MACROH2A2: variants seen among roughly 807,000 people sequenced by gnomAD.
The protein encoded by MACROH2A2 is core histone macro-H2A.2.
MACROH2A2 carries 6 observed loss-of-function variants against 37.6 expected under a neutral mutation model. That is an observed-to-expected ratio of 0.16 (90% confidence interval 0.09 to 0.32). The LOEUF is 0.32. MACROH2A2 is among the 10% of genes least tolerant of loss of function. The pLI is 1.00. For synonymous variants in MACROH2A2, 192 were observed against 202.7 expected, an observed-to-expected ratio of 0.95 and a Z score of 0.45; for missense variants, 290 against 485.9, an observed-to-expected ratio of 0.60 and a Z score of 3.79.
intron 6 of MACROH2A2, among the ~76,000 whole-genome samples, 163 bp downstream of exon 6, chr10:70,095,916 T>C (rs2072273936): frequency 6.6e-6 from 1 of 152,256 alleles, no homozygotes; most frequent in Admixed American, 6.5e-5. Context: ...GAAGCTAACT[T>C]TGTTTTAATT....
In MACROH2A2 at chr10:70,053,377, G is replaced by A. The variant is rs1197314183; in HGVS notation, c.-60+377G>A. On this transcript the variant is annotated intron_variant, in intron 1 of 8. Transcript: ENST00000373255. This position sits in a 1 kb window ranked among gnomAD's most constrained non-coding sequence, Gnocchi z 4.8. The stretch of plus-strand genomic sequence containing the variant: ...TGGGAATGCGGAGTTTCGGGCGCAG[G>A]AGCGGGAGGACGGAGGCGCCCGGCC... Among the ~76,000 whole-genome samples, 1 of 151,826 alleles carries A rather than the reference G, an allele frequency of 6.6e-6. No homozygotes were observed. Among genetic ancestry groups the A allele is most frequent in the African/African-American group, 2.4e-5 (1 of 41,396 alleles).
At chr10:70,096,875 A>G (rs10762337) in intron 6 of MACROH2A2, among the ~76,000 whole-genome samples, 97,569 of 151,900 alleles carry the variant, frequency 0.64, 32,059 homozygotes, top group Non-Finnish European at 0.72. Context: ...GCCCTGGGAA[A>G]AGTCAGCATT....
chr10:70,097,648 TC>T (rs1376345690), intron 6 of MACROH2A2, among the ~76,000 whole-genome samples: 1 of 152,148 alleles, frequency 6.6e-6, no homozygotes, highest in Non-Finnish European at 1.5e-5. Context: ...TCCACATACT[TC>T]CAGACATCAT....
chr10:70,090,364 CATT>C (rs763985787), intron 3 of MACROH2A2, among the ~76,000 whole-genome samples, 198 bp downstream of exon 3: 1 of 152,246 alleles, frequency 6.6e-6, no homozygotes, highest in Non-Finnish European at 1.5e-5. Context: ...GCATAGATCT[CATT>C]ATATATTCTA....
chr10:70,092,881 C>T (rs1029050206), intron 4 of MACROH2A2, among the ~76,000 whole-genome samples: 18 of 152,284 alleles, frequency 1.2e-4, no homozygotes, highest in Middle Eastern at 3.4e-3. Context: ...AGGTGTTTGG[C>T]ATATACTTGA....
chr10:70,109,235 C>A, intron 8 of MACROH2A2, 28 bp downstream of exon 8: 2 of 1,595,956 alleles, frequency 1.3e-6, no homozygotes, highest in Non-Finnish European at 1.7e-6. Context: ...TGAGTTGATT[C>A]CTCCGGCTTT....
intron 2 of MACROH2A2, among the ~76,000 whole-genome samples, chr10:70,077,338 C>T (rs1342075774): frequency 2.0e-5 from 3 of 151,908 alleles, no homozygotes; most frequent in South Asian, 2.1e-4. Flanking sequence ...GAAGCTGAGG[C>T]GGGTGGATCA....
At chr10:70,059,465 T>G (rs1307722249) in intron 1 of MACROH2A2, among the ~76,000 whole-genome samples, 1 of 151,654 alleles carries the variant, frequency 6.6e-6, no homozygotes, top group Admixed American at 6.6e-5. Flanking sequence ...CTCTGCCTCC[T>G]AGGTTCATGA....
At chr10:70,090,245 C>T (rs746725912) in intron 3 of MACROH2A2, 79 bp downstream of exon 3, 14 of 894,012 alleles carry the variant, frequency 1.6e-5, no homozygotes, top group Non-Finnish European at 2.3e-5. Context: ...GGCCATGAGT[C>T]ACTCCTGCTA....
At chr10:70,076,667 G>T (rs1183751023) in intron 2 of MACROH2A2, among the ~76,000 whole-genome samples, 1 of 152,100 alleles carries the variant, frequency 6.6e-6, no homozygotes, top group Non-Finnish European at 1.5e-5. Context: ...TTTGCCCAAG[G>T]TTAACAAATT....
At chr10:70,095,367 CAAAAAA>C (rs1188963876) in intron 5 of MACROH2A2, among the ~76,000 whole-genome samples, 1 of 67,936 alleles carries the variant, frequency 1.5e-5, no homozygotes, top group Non-Finnish European at 3.1e-5. Context: ...GACTCCGTCT[CAAAAAA>C]AAAAAAAAAA....
At chr10:70,065,959 A>G (rs1206114365) in intron 1 of MACROH2A2, among the ~76,000 whole-genome samples, 1 of 152,230 alleles carries the variant, frequency 6.6e-6, no homozygotes, top group Non-Finnish European at 1.5e-5. Context: ...TTAATACTCT[A>G]CTAAATGATA....
intron 6 of MACROH2A2, among the ~76,000 whole-genome samples, chr10:70,096,941 C>T (rs2072279966): frequency 6.6e-6 from 1 of 152,226 alleles, no homozygotes; most frequent in African/African-American, 2.4e-5. Flanking sequence ...TAGTAGCCTT[C>T]ATCTGGAGCT....
intron 1 of MACROH2A2, among the ~76,000 whole-genome samples, chr10:70,059,947 G>A (rs2072041553): frequency 6.6e-6 from 1 of 152,128 alleles, no homozygotes; most frequent in South Asian, 2.1e-4. Context: ...CAATGTGCCG[G>A]GGCCCAGGAG....
chr10:70,075,981 G>A lies in MACROH2A2; in HGVS notation c.172+151G>A, dbSNP rs990095010. The A allele has an allele frequency of 1.6e-5, 10 of 637,124 alleles. No homozygotes were observed. Among genetic ancestry groups the A allele is most frequent in the Non-Finnish European group, 2.7e-5 (10 of 365,930 alleles). The allele number at this position is 637,124 out of a possible 1,614,324, so 39.5% of individuals were successfully genotyped here. ...GACAGGGTTGCAACTGGCCTGCTTG[G>A]CTAAAATCAACTTCTGCAGACTTTA... On this transcript the variant is annotated intron_variant, in intron 2 of 8. Transcript: ENST00000373255. The surrounding 1 kb of genome is among the most constrained non-coding windows in gnomAD (Gnocchi z 5.0).
intron 6 of MACROH2A2, chr10:70,098,376 AAGG>A (rs1472669215): frequency 7.2e-6 from 1 of 138,734 alleles, no homozygotes; most frequent in Non-Finnish European, 1.6e-5. Context: ...GTAGAGAAGG[AAGG>A]AGGGAGGGAA....
chr10:70,070,722 A>C (rs927343524), intron 1 of MACROH2A2, among the ~76,000 whole-genome samples: 1 of 152,168 alleles, frequency 6.6e-6, no homozygotes, highest in Non-Finnish European at 1.5e-5. Context: ...TCCTGACCTC[A>C]GGTGATCCAC....
At chr10:70,081,481 G>A (rs1304012596) in intron 2 of MACROH2A2, among the ~76,000 whole-genome samples, 2 of 152,098 alleles carry the variant, frequency 1.3e-5, no homozygotes, top group African/African-American at 2.4e-5. Flanking sequence ...GATGGCAAAG[G>A]AGGCTGAGGA....
intron 6 of MACROH2A2, among the ~76,000 whole-genome samples, chr10:70,099,820 C>T (rs568744831): frequency 2.0e-5 from 3 of 152,210 alleles, no homozygotes; most frequent in African/African-American, 7.2e-5. Flanking sequence ...GACTCAAGCA[C>T]GTACAGTACG....
Sources: gnomAD v4.1 joint callset for allele counts (sites outside exome capture counted in the v4.1 genomes callset) on GRCh38, gnomAD v4.1.1 for gene constraint, Gnocchi (gnomAD v3.1) non-coding constraint, MANE v1.5 for transcripts, NCBI Gene and HGNC (gene_info 2026-07-23, HGNC 2026-07-21) for gene names.